Variants in KANK1 observed in about 807,000 individuals in gnomAD.
KANK1 encodes the protein KN motif and ankyrin repeat domains 1, also known as KN motif and ankyrin repeat domain-containing protein 1.
Under a neutral mutation model 106.2 loss-of-function variants are expected in KANK1, and 109 were observed. The observed-to-expected ratio is 1.03, with a 90% CI of 0.88 to 1.20. KANK1 has a LOEUF of 1.20. KANK1 is among the 50% of genes most tolerant of loss of function. KANK1 has a pLI of 0.00. For missense variants in KANK1, 2,399 were observed against 1,710.7 expected (o/e 1.40, Z -7.10); for synonymous variants, 873 against 652.2 (o/e 1.34, Z -5.16).
intron 1 of KANK1, among the ~76,000 whole-genome samples, chr9:517,287 A>G (rs2059325564): frequency 6.6e-6 from 1 of 151,602 alleles, no homozygotes; most frequent in African/African-American, 2.4e-5. Flanking sequence ...TAGTTTGAGT[A>G]GAGACAGGGT....
chr9:732,477 G>C lies in KANK1; in HGVS notation c.3105G>C (p.Glu1035Asp). The change falls in exon 6 of 12, where the codon GAG (glutamate) becomes GAC (aspartate). Residue 1035 changes from glutamate to aspartate, a missense_variant. Transcript: ENST00000382297. ...TCATTGAGTATCCTCTTGAAGAAGA[G>C]GAGGAGGAGGAGGATGAAGACACTC... ...CDVIEYPLEE[E>D]EEEEDEDTRG... 6.3e-7 allele frequency: 1 copy of C among 1,576,518 alleles called. No individual in the cohort carries two copies. The highest frequency in any genetic ancestry group is 1.7e-5 in the Admixed American group (1 of 59,328).
At chr9:613,312 A>C (rs1831010996) in intron 1 of KANK1, among the ~76,000 whole-genome samples, 1 of 150,672 alleles carries the variant, frequency 6.6e-6, no homozygotes, top group African/African-American at 2.4e-5. Context: ...CTAGATAGCA[A>C]GTACAGCTGT....
intron 1 of KANK1, among the ~76,000 whole-genome samples, chr9:507,184 C>G (rs901951388): frequency 2.0e-5 from 3 of 147,806 alleles, no homozygotes; most frequent in African/African-American, 7.5e-5. Flanking sequence ...GAGACTCCGT[C>G]TCTACAAAAA....
At chr9:597,743 A>T (rs1158678738) in intron 1 of KANK1, among the ~76,000 whole-genome samples, 1 of 151,360 alleles carries the variant, frequency 6.6e-6, no homozygotes, top group African/African-American at 2.4e-5. Flanking sequence ...GGCTCACTGC[A>T]ACCTCTGTCT....
Position 667,019 on chromosome 9 carries a change from CTT to C in KANK1, c.-83-9869_-83-9868del, listed in dbSNP as rs1844786256. ...TCTTCAATTTTTTTTTTTTTGAAGACTTTGAGTAGAATTATTATAGTTCTTCT... is the reference window on the plus strand; with the variant it reads ...TCTTCAATTTTTTTTTTTTTGAAGACTGAGTAGAATTATTATAGTTCTTCT... On this transcript the variant is annotated intron_variant, in intron 1 of 11. Transcript: ENST00000382297. Among the ~76,000 whole-genome samples, 6 of 126,092 alleles carry C rather than the reference CTT, an allele frequency of 4.8e-5. No homozygotes were observed. In the Admixed American group the frequency reaches 5.9e-4, roughly 12 times the overall value. 82.7% of individuals were successfully genotyped at this position (126,092 alleles called of 152,430 possible). A position where few individuals can be genotyped will look rare whatever the true frequency, so the allele number is the denominator to read the frequency against.
intron 1 of KANK1, among the ~76,000 whole-genome samples, chr9:652,670 A>G (rs2137630154): frequency 6.6e-6 from 1 of 152,370 alleles, no homozygotes; most frequent in South Asian, 2.1e-4. Flanking sequence ...TGACTATAAT[A>G]TGAAGTTAAA....
chr9:657,894 TG>T (rs1388944949), intron 1 of KANK1, among the ~76,000 whole-genome samples: 1 of 151,940 alleles, frequency 6.6e-6, no homozygotes, highest in Admixed American at 6.6e-5. Flanking sequence ...GGTGGTGGTG[TG>T]GGGGTGGTAT....
chr9:714,033 A>G (rs1304197689), intron 3 of KANK1, among the ~76,000 whole-genome samples: 1 of 152,144 alleles, frequency 6.6e-6, no homozygotes, highest in African/African-American at 2.4e-5. Context: ...GAGCCCAGAA[A>G]TTTGAGACCA....
intron 1 of KANK1, among the ~76,000 whole-genome samples, chr9:588,704 C>T (rs1184819456): frequency 6.6e-6 from 1 of 152,112 alleles, no homozygotes; most frequent in African/African-American, 2.4e-5. Context: ...CTATCTAGCA[C>T]CCACTTTGCC....
At chr9:692,217 C>G (rs116049793) in intron 2 of KANK1, among the ~76,000 whole-genome samples, 136 of 152,286 alleles carry the variant, frequency 8.9e-4, no homozygotes, top group African/African-American at 3.0e-3. Context: ...TTCCTTCTGT[C>G]TCATCTCCTA....
intron 1 of KANK1, among the ~76,000 whole-genome samples, chr9:552,439 A>G (rs2061340824): frequency 6.6e-6 from 1 of 152,208 alleles, no homozygotes; most frequent in Non-Finnish European, 1.5e-5. Flanking sequence ...AATATTTGAT[A>G]ATGGTGTTCA....
At chr9:701,992 A>C (rs1277901100) in intron 2 of KANK1, among the ~76,000 whole-genome samples, 1 of 152,218 alleles carries the variant, frequency 6.6e-6, no homozygotes, top group East Asian at 1.9e-4. Flanking sequence ...CCCCTCTCAC[A>C]GAGCACTAAG....
chr9:706,000 A>T lies in KANK1; in HGVS notation c.38-4804A>T, dbSNP rs1026376909. On this transcript the variant is annotated intron_variant, in intron 2 of 11. Coordinates refer to ENST00000382297, the MANE Select transcript of KANK1 (RefSeq NM_015158.5). ...TCGTCTTGTTAAAGTTGGGAAATAA[A>T]TCAGGGACTCATAAGTGCCTAATTT... Among the ~76,000 whole-genome samples, 5 of 152,178 alleles carry T rather than the reference A, an allele frequency of 3.3e-5. No homozygotes were observed. The East Asian group carries it at 9.6e-4, about 29-fold the overall frequency.
rs192429906 is a variant in KANK1 at position 745,437 on chromosome 9, G to T, written c.*202G>T. ...CACACCTCCTTTCTGGCCGTCTTCT[G>T]TGTAGGGCACACTTTAACCCAGTCT... On this transcript the variant is annotated 3_prime_UTR_variant, in exon 12 of 12. Transcript: ENST00000382297. 7.2e-6 allele frequency: 4 copies of T among 558,800 alleles called. No individual in the cohort carries two copies. The highest frequency in any genetic ancestry group is 1.3e-5 in the Non-Finnish European group (4 of 314,272). 34.6% of individuals were successfully genotyped at this position (558,800 alleles called of 1,614,324 possible).
In KANK1 at chr9:711,551, A is replaced by G; in HGVS notation, c.785A>G (p.His262Arg). 6.2e-7 allele frequency: 1 copy of G among 1,613,874 alleles called. No homozygotes were observed. Among genetic ancestry groups the G allele is most frequent in the Non-Finnish European group, 8.5e-7 (1 of 1,179,896 alleles). ...VTNVSPMHLQ[H>R]IREQMAIALK... ...AACGTGAGCCCCATGCACCTGCAGC[A>G]CATCCGCGAGCAGATGGCCATTGCT... is the stretch of plus-strand genomic sequence containing the variant. Residue 262 changes from histidine to arginine, a missense_variant, in exon 3 of 12, where the codon CAC becomes CGC. His to Arg is a conservative substitution (Grantham distance 29). Transcript: ENST00000382297.
chr9:485,723 T>G (rs1457549065), intron 3 of KANK1, among the ~76,000 whole-genome samples: 2 of 151,870 alleles, frequency 1.3e-5, no homozygotes, highest in African/African-American at 4.8e-5. Flanking sequence ...AAATACAAAT[T>G]AGCTGGATGT....
chr9:609,455 C>G (rs1187180172), intron 1 of KANK1, among the ~76,000 whole-genome samples: 1 of 152,114 alleles, frequency 6.6e-6, no homozygotes, highest in Admixed American at 6.5e-5. Flanking sequence ...TGGTGAAACC[C>G]CATCTCTACT....
intron 3 of KANK1, among the ~76,000 whole-genome samples, chr9:485,986 C>T (rs1269181115): frequency 3.3e-5 from 5 of 152,096 alleles, no homozygotes; most frequent in Non-Finnish European, 7.4e-5. Context: ...TTCCCCTAGA[C>T]TTCTTCAGTT....
intron 2 of KANK1, among the ~76,000 whole-genome samples, chr9:691,496 A>C (rs1020853078): frequency 1.3e-5 from 2 of 151,340 alleles, no homozygotes; most frequent in African/African-American, 4.8e-5. Flanking sequence ...CCTGAGCTCA[A>C]GTGATCCTCC....
Sources: gnomAD v4.1 joint callset for allele counts (sites outside exome capture counted in the v4.1 genomes callset) on GRCh38, gnomAD v4.1.1 for gene constraint, MANE v1.5 for transcripts, NCBI Gene and HGNC (gene_info 2026-07-23, HGNC 2026-07-21) for gene names.